The following BBS9 variants were observed in gnomAD, a reference collection of about 807,000 sequenced individuals.
BBS9 encodes Bardet-Biedl syndrome 9.
In BBS9, 89 loss-of-function variants were observed where a neutral mutation model predicts 117.7. That is an observed-to-expected ratio of 0.76 (90% CI 0.64 to 0.90). BBS9 has a LOEUF of 0.90. Ranked by LOEUF, BBS9 falls within the 40% of genes least tolerant of loss-of-function variation. BBS9 has a pLI of 0.00. For synonymous variants in BBS9, 379 were observed against 370.9 expected, an observed-to-expected ratio of 1.02 and a Z score of -0.25; for missense variants, 982 against 1,042.2, an observed-to-expected ratio of 0.94 and a Z score of 0.80.
intron 19 of BBS9, among the ~76,000 whole-genome samples, chr7:33,428,173 A>G (rs1441570296): frequency 3.3e-5 from 5 of 152,314 alleles, no homozygotes; most frequent in Middle Eastern, 6.8e-3. Context: ...CCAGACTGTC[A>G]TAGAAAAACA....
intron 5 of BBS9, among the ~76,000 whole-genome samples, chr7:33,228,184 G>T (rs998489916): frequency 5.3e-5 from 8 of 151,970 alleles, no homozygotes; most frequent in African/African-American, 1.9e-4. Flanking sequence ...TAGAAATAAG[G>T]TGCTATATCT....
intron 20 of BBS9, among the ~76,000 whole-genome samples, chr7:33,514,212 C>T (rs890248761): frequency 6.6e-6 from 1 of 152,138 alleles, no homozygotes; most frequent in African/African-American, 2.4e-5. Flanking sequence ...TATTGGTTTC[C>T]TTATCTGTAC....
intron 5 of BBS9, among the ~76,000 whole-genome samples, chr7:33,187,795 C>G (rs1047630822): frequency 2.0e-5 from 3 of 151,916 alleles, no homozygotes; most frequent in African/African-American, 7.3e-5. Context: ...GTGGTGGGTG[C>G]CTGTAATCCC....
chr7:33,448,267 C>T (rs1443604806), intron 19 of BBS9, among the ~76,000 whole-genome samples: 1 of 152,182 alleles, frequency 6.6e-6, no homozygotes, highest in Non-Finnish European at 1.5e-5. Context: ...GCCTCTCTCC[C>T]TCCCTTGTTT....
At chr7:33,311,934 C>A (rs1809337331) in intron 9 of BBS9, among the ~76,000 whole-genome samples, 1 of 152,136 alleles carries the variant, frequency 6.6e-6, no homozygotes, top group Non-Finnish European at 1.5e-5. Flanking sequence ...AAGAAACCTG[C>A]TTTCCCCCAT....
intron 16 of BBS9, among the ~76,000 whole-genome samples, chr7:33,360,101 A>C (rs1466659363): frequency 3.9e-5 from 6 of 152,166 alleles, no homozygotes. Context: ...GTATTCTCTC[A>C]TAAATCCATA....
intron 6 of BBS9, among the ~76,000 whole-genome samples, chr7:33,258,358 G>T (rs567264440): frequency 3.9e-5 from 6 of 152,250 alleles, no homozygotes; most frequent in Admixed American, 1.3e-4. Context: ...TTTCAATGTT[G>T]TGTATATAAC....
chr7:33,400,094 T>G (rs1008386201), intron 19 of BBS9, among the ~76,000 whole-genome samples: 1 of 152,142 alleles, frequency 6.6e-6, no homozygotes, highest in Admixed American at 6.6e-5. Flanking sequence ...ATTGTAAATT[T>G]AATATTAGGA....
At chr7:33,359,839 G>A (rs1356586142) in intron 16 of BBS9, among the ~76,000 whole-genome samples, 1 of 151,868 alleles carries the variant, frequency 6.6e-6, no homozygotes, top group Admixed American at 6.6e-5. Flanking sequence ...ATTTAAAATA[G>A]CTTTAATTTT....
At chr7:33,432,810 CT>C (rs1288576120) in intron 19 of BBS9, among the ~76,000 whole-genome samples, 1 of 151,422 alleles carries the variant, frequency 6.6e-6, no homozygotes, top group East Asian at 1.9e-4. Context: ...GGTATTTTCC[CT>C]CATTTGTATC....
chr7:33,201,176 G>T (rs933580725), intron 5 of BBS9, among the ~76,000 whole-genome samples: 18 of 152,048 alleles, frequency 1.2e-4, no homozygotes, highest in African/African-American at 4.3e-4. Context: ...GAGGTTTTGG[G>T]TTGACTATCA....
chr7:33,469,307 A>G (rs1050792406), intron 19 of BBS9, among the ~76,000 whole-genome samples: 2 of 152,166 alleles, frequency 1.3e-5, no homozygotes, highest in Non-Finnish European at 2.9e-5. Context: ...TTTTCCCCCT[A>G]TCTAGGAAGA....
At chr7:33,577,252 G>GACACTTCT (rs1258647152) in intron 21 of BBS9, among the ~76,000 whole-genome samples, 2 of 152,152 alleles carry the variant, frequency 1.3e-5, no homozygotes, top group Non-Finnish European at 2.9e-5. Context: ...GATATGAACA[G>GACACTTCT]ACACTTCTCA....
chr7:33,505,200 C>G (rs1845967583), intron 19 of BBS9, among the ~76,000 whole-genome samples: 1 of 152,092 alleles, frequency 6.6e-6, no homozygotes, highest in Admixed American at 6.5e-5. Context: ...AAAGCAGACA[C>G]TGAACACTGT....
intron 17 of BBS9, among the ~76,000 whole-genome samples, chr7:33,373,930 A>G (rs1239283261): frequency 1.3e-5 from 2 of 152,194 alleles, no homozygotes; most frequent in African/African-American, 4.8e-5. Context: ...GTGTTATACA[A>G]AGTACCTGGA....
intron 5 of BBS9, among the ~76,000 whole-genome samples, chr7:33,199,118 C>G (rs1053514785): frequency 3.3e-5 from 5 of 151,946 alleles, no homozygotes; most frequent in Admixed American, 3.3e-4. Flanking sequence ...AAGATGGCGA[C>G]AAATTCTTTT....
At chr7:33,184,366 C>T (rs1218735802) in intron 5 of BBS9, among the ~76,000 whole-genome samples, 1 of 152,150 alleles carries the variant, frequency 6.6e-6, no homozygotes, top group African/African-American at 2.4e-5. Context: ...CCCCCCACAG[C>T]CATCAGCAAA....
chr7:33,332,178 C>T (rs1296459149), intron 9 of BBS9, among the ~76,000 whole-genome samples: 1 of 148,394 alleles, frequency 6.7e-6, no homozygotes, highest in East Asian at 2.2e-4. Flanking sequence ...TTTGACAAAG[C>T]ATACAAAAAC....
intron 21 of BBS9, among the ~76,000 whole-genome samples, chr7:33,587,521 A>C (rs1028783073): frequency 6.6e-6 from 1 of 152,098 alleles, no homozygotes; most frequent in Non-Finnish European, 1.5e-5. Flanking sequence ...TGGTTTGAAA[A>C]AGGGCAGTGC....
Sources: gnomAD v4.1 joint callset for allele counts (sites outside exome capture counted in the v4.1 genomes callset) on GRCh38, gnomAD v4.1.1 for gene constraint, MANE v1.5 for transcripts, NCBI Gene and HGNC (gene_info 2026-07-23, HGNC 2026-07-21) for gene names.